TRPM2: variants seen among roughly 807,000 people sequenced by gnomAD.
The protein encoded by TRPM2 is estrogen-responsive element-associated gene 1 protein.
TRPM2 carries 161 observed loss-of-function variants against 174.0 expected under a neutral mutation model. That is an observed-to-expected ratio of 0.93 (90% CI 0.81 to 1.05). The LOEUF is 1.05. Among genes scored for constraint, TRPM2 ranks in the 50% least tolerant of loss-of-function variants. The pLI is 0.00. For missense variants in TRPM2, 2,057 were observed against 2,038.0 expected, an observed-to-expected ratio of 1.01 and a Z score of -0.18; for synonymous variants, 954 against 861.3, an observed-to-expected ratio of 1.11 and a Z score of -1.88.
chr21:44,409,953 C>G (rs1248352805), intron 19 of TRPM2, among the ~76,000 whole-genome samples: 3 of 151,106 alleles, frequency 2.0e-5, no homozygotes, highest in Non-Finnish European at 4.4e-5. Context: ...GTTGGCGTAG[C>G]CTTGTAGTAA....
intron 27 of TRPM2, among the ~76,000 whole-genome samples, chr21:44,429,137 A>G (rs572336470): frequency 6.6e-6 from 1 of 152,242 alleles, no homozygotes; most frequent in African/African-American, 2.4e-5. Flanking sequence ...ATTTGTCAAC[A>G]TTTATTTATG....
intron 9 of TRPM2, among the ~76,000 whole-genome samples, chr21:44,389,038 C>T (rs1358430304): frequency 6.6e-6 from 1 of 152,206 alleles, no homozygotes; most frequent in Non-Finnish European, 1.5e-5. Flanking sequence ...TACAGGACAT[C>T]TCCCCTATCC....
chr21:44,353,897 C>T (rs2047981963), intron 1 of TRPM2, 32 bp downstream of exon 1: 3 of 1,585,916 alleles, frequency 1.9e-6, no homozygotes, highest in South Asian at 2.3e-5. Context: ...CTGCAGTTGG[C>T]ACGTGGCCAC....
intron 2 of TRPM2, among the ~76,000 whole-genome samples, chr21:44,357,732 C>T (rs948879910): frequency 2.6e-5 from 4 of 152,222 alleles, no homozygotes; most frequent in South Asian, 2.1e-4. Context: ...AGTCCAGGCC[C>T]GGCAAAGCAC....
rs1214077201 is a variant in TRPM2 at position 44,428,689 on chromosome 21, TGTGGCTCCTCCCCTG to T, written c.3974+1579_3974+1593del. 3.1e-3 allele frequency among the ~76,000 whole-genome samples: 87 copies of T among 27,818 alleles called. 1 individual carries two copies. The highest frequency in any genetic ancestry group is 6.6e-3 in the East Asian group (2 of 302). The allele number at this position is 27,818 out of a possible 152,430, so 18.2% of individuals were successfully genotyped here. A position where few individuals can be genotyped will look rare whatever the true frequency, so the allele number is the denominator to read the frequency against. ...CCTTAGGTCTGGCTCCTCCCTGAGG[TGTGGCTCCTCCCCTG>T]AGATGTGGCTCCTCCCTGAGGTGTG... On this transcript the variant is annotated intron_variant, in intron 27 of 31. Coordinates refer to ENST00000397928, the MANE Select transcript of TRPM2 (RefSeq NM_003307.4).
At position 44,369,229 on chromosome 21, in the gene TRPM2, C is replaced by A. The variant is rs1288923105; in HGVS notation, c.657C>A (p.Gly219=). The A allele has an allele frequency of 3.7e-6, 6 of 1,613,428 alleles. No homozygotes were observed. The highest frequency in any genetic ancestry group is 5.1e-6 in the Non-Finnish European group (6 of 1,179,874). Residue 219 remains glycine (G), a synonymous_variant, in exon 5 of 32, where the codon GGC becomes GGA. Transcript: ENST00000397928. ...ACACCGGCGTCATGAAGCAGGTAGG[C>A]GAGGCGGTGCGGGACTTCAGCCTGA... ...GSHTGVMKQV[G]EAVRDFSLSS... is the part of the protein sequence containing the mutation.
intron 15 of TRPM2, among the ~76,000 whole-genome samples, chr21:44,401,467 C>T (rs2049613547): frequency 6.6e-6 from 1 of 152,190 alleles, no homozygotes; most frequent in African/African-American, 2.4e-5. Context: ...CTGTGGGGTC[C>T]AGCCCCACCC....
intron 2 of TRPM2, among the ~76,000 whole-genome samples, chr21:44,359,174 ATGG>A (rs2048142548): frequency 6.6e-6 from 1 of 151,094 alleles, no homozygotes; most frequent in Non-Finnish European, 1.5e-5. Flanking sequence ...TTTACAGAGC[ATGG>A]CTTGGTCCAT....
chr21:44,401,575 C>T, intron 15 of TRPM2, 106 bp from the exon 16 acceptor site: 2 of 1,196,164 alleles, frequency 1.7e-6, no homozygotes, highest in Non-Finnish European at 2.4e-6. Context: ...CCTCTAAAAG[C>T]ACATCTCTCT....
chr21:44,408,450 G>C (rs1399895118), intron 19 of TRPM2, among the ~76,000 whole-genome samples: 1 of 151,698 alleles, frequency 6.6e-6, no homozygotes. Context: ...CCAGTCCCAG[G>C]ATTCCAATTT....
chr21:44,416,181 G>T (rs557522143), intron 20 of TRPM2: 1 of 152,310 alleles, frequency 6.6e-6, no homozygotes, highest in East Asian at 1.9e-4. Flanking sequence ...AGCATCTGCA[G>T]ACAGACCCTG....
At chr21:44,440,722 A>T (rs2051467140) in intron 30 of TRPM2, 67 bp from the exon 31 acceptor site, 4 of 1,377,608 alleles carry the variant, frequency 2.9e-6, no homozygotes, top group African/African-American at 1.4e-5. Context: ...GGTGGAGGGC[A>T]CGAGGTGGGC....
Position 44,397,829 on chromosome 21 carries a change from CG to C in TRPM2, c.2017del (p.Glu673ArgfsTer55), listed in dbSNP as rs1569062055. On this transcript the variant is annotated frameshift_variant, in exon 13 of 32. Coordinates refer to ENST00000397928, the MANE Select transcript of TRPM2 (RefSeq NM_003307.4). LOFTEE classifies it high-confidence loss of function. ...LSKEEEDTDS[S>X]EEMLALAEEY... ...AAGGAGGAGGAGGACACGGACAGCTCGGAGGAGATGCTGGCGCTGGCGGAGG... is the reference window on the plus strand; with the variant it reads ...AAGGAGGAGGAGGACACGGACAGCTCGAGGAGATGCTGGCGCTGGCGGAGG... 9 of 1,607,544 alleles carry C rather than the reference CG, an allele frequency of 5.6e-6. No individual in the cohort carries two copies.
chr21:44,425,661 T>G lies in TRPM2; in HGVS notation c.3638-9T>G. The G allele has an allele frequency of 2.7e-6, 4 of 1,497,016 alleles. No homozygotes were observed. Among genetic ancestry groups the G allele is most frequent in the Non-Finnish European group, 2.7e-6 (3 of 1,112,512 alleles). 92.7% of individuals were successfully genotyped at this position (1,497,016 alleles called of 1,614,324 possible). ...CCGCCTTGCGTCACGTCTTCCTGAC[T>G]GTCCCCAGCCTCCCAGAAGGCCGCG... On this transcript the variant is annotated splice_polypyrimidine_tract_variant and intron_variant, in intron 24 of 31. Transcript: ENST00000397928.
At chr21:44,423,531 A>C in intron 22 of TRPM2, 114 bp from the exon 23 acceptor site, 1 of 844,104 alleles carries the variant, frequency 1.2e-6, no homozygotes, top group Non-Finnish European at 1.9e-6. Context: ...GAGGAAGCAA[A>C]GGCTGACACA....
At position 44,381,723 on chromosome 21, in the gene TRPM2, A is replaced by G. The variant is rs181028455; in HGVS notation, c.1216-995A>G. Among the ~76,000 whole-genome samples, 438 of 152,254 alleles carry G rather than the reference A, an allele frequency of 2.9e-3. 3 individuals carry two copies. The highest frequency in any genetic ancestry group is 9.7e-3 in the African/African-American group (402 of 41,544). On this transcript the variant is annotated intron_variant, in intron 8 of 31. Coordinates refer to ENST00000397928, the MANE Select transcript of TRPM2 (RefSeq NM_003307.4). ...GGAGTTTGAGACCAGCCTGGCCAAC[A>G]TGGTGAAACCACATCTGTACTAAAA...
At position 44,395,433 on chromosome 21, in the gene TRPM2, G is replaced by A. The variant is rs558744050; in HGVS notation, c.1814G>A (p.Arg605Gln). 60 of 1,612,754 alleles carry A rather than the reference G, an allele frequency of 3.7e-5. No individual in the cohort carries two copies. The highest frequency in any genetic ancestry group is 6.7e-5 in the East Asian group (3 of 44,866). ...VKLNVQGVSLRSLYKRSSGHV... is the reference protein window; with the variant it reads ...VKLNVQGVSLQSLYKRSSGHV... ...CACCAGGTGCAGGGAGTGAGCCTCC[G>A]GTCCCTCTACAAGCGTTCCTCAGGC... Residue 605 changes from arginine (R) to glutamine (Q), a missense_variant, in exon 12 of 32, where the codon CGG (arginine) becomes CAG (glutamine). By Grantham distance (43) the Arg-to-Gln change is conservative. Coordinates refer to ENST00000397928, the MANE Select transcript of TRPM2 (RefSeq NM_003307.4).
chr21:44,372,972 G>A (rs1340576386), intron 5 of TRPM2, among the ~76,000 whole-genome samples: 1 of 152,156 alleles, frequency 6.6e-6, no homozygotes, highest in African/African-American at 2.4e-5. Context: ...AATTTGCAGT[G>A]TTGTTGTTGA....
chr21:44,370,399 C>T (rs753688688), intron 5 of TRPM2, among the ~76,000 whole-genome samples: 1 of 152,180 alleles, frequency 6.6e-6, no homozygotes, highest in African/African-American at 2.4e-5. Context: ...ATTAACTGGA[C>T]GCAGGAGAAG....
Sources: allele counts gnomAD v4.1 joint callset (sites outside exome capture counted in the v4.1 genomes callset), GRCh38; gene constraint gnomAD v4.1.1; transcripts MANE v1.5; gene names NCBI Gene and HGNC (gene_info 2026-07-23, HGNC 2026-07-21).